The following CELSR1 variants were observed in gnomAD, a reference collection of about 807,000 sequenced individuals.
CELSR1 encodes the protein adhesion G protein-coupled receptor C1.
In CELSR1, 110 loss-of-function variants were observed where a neutral mutation model predicts 249.1. The observed-to-expected ratio is 0.44, with a 90% confidence interval of 0.38 to 0.52. The LOEUF (loss-of-function observed/expected upper bound fraction) is 0.52. CELSR1 is among the 20% of genes least tolerant of loss of function. The probability of loss-of-function intolerance (pLI) is 0.00; values close to 1 mark genes in which losing one functional copy is unlikely to be tolerated. For synonymous variants in CELSR1, 2,113 were observed against 1,900.0 expected (o/e 1.11, Z -2.92); for missense variants, 4,109 against 4,296.4 (o/e 0.96, Z 1.22).
chr22:46,476,448 T>C (rs1322083339), intron 1 of CELSR1, among the ~76,000 whole-genome samples: 3 of 151,752 alleles, frequency 2.0e-5, no homozygotes, highest in East Asian at 3.9e-4. Context: ...TATAAAAAAT[T>C]AGCCAGGCGT....
In CELSR1 at chr22:46,473,939, C is replaced by T. The variant is rs374871247; in HGVS notation, c.3545-9594G>A. 1.8e-4 allele frequency among the ~76,000 whole-genome samples: 28 copies of T among 152,258 alleles called. No individual in the cohort carries two copies. In the East Asian group the frequency reaches 3.3e-3, roughly 18 times the overall value. Reference sequence around the variant, plus strand: ...GCAACAATCTAGGACCTGCGTCTCACGAATGCAGGTTCACGTCACAGGAAC... The same window carrying T: ...GCAACAATCTAGGACCTGCGTCTCATGAATGCAGGTTCACGTCACAGGAAC... On this transcript the variant is annotated intron_variant, in intron 1 of 34. Transcript: ENST00000674500. The surrounding 1 kb of genome is among the most constrained non-coding windows in gnomAD (Gnocchi z 6.6).
rs1208091471 is a variant in CELSR1 at position 46,488,179 on chromosome 22, T to C, written c.3545-23834A>G. On this transcript the variant is annotated intron_variant, in intron 1 of 34. Transcript: ENST00000674500. This position sits in a 1 kb window ranked among gnomAD's most constrained non-coding sequence, Gnocchi z 4.7. ...CAGCTGGGTGACAGCAGGAAGCAGC[T>C]GTGGTCAGCAGCCACTCAGGGCTGG... Among the ~76,000 whole-genome samples the C allele has an allele frequency of 6.6e-6, 1 of 151,948 alleles. No individual in the cohort carries two copies. The highest frequency in any genetic ancestry group is 2.4e-5 in the African/African-American group (1 of 41,338).
rs760990799 is a variant in CELSR1, at chr22:46,409,783, G to A, written c.5031C>T (p.Leu1677=). The A allele has an allele frequency of 5.0e-6, 8 of 1,613,844 alleles. No individual in the cohort carries two copies. The highest frequency in any genetic ancestry group is 3.3e-5 in the South Asian group (3 of 91,086). Residue 1677 remains leucine (L), a synonymous_variant, in exon 8 of 35, where the codon CTC becomes CTT. Coordinates refer to ENST00000674500, the MANE Select transcript of CELSR1 (RefSeq NM_001378328.1). The surrounding 1 kb of genome is among the most constrained non-coding windows in gnomAD (Gnocchi z 9.8). ...RWNMYLCECP[L]RFGGKNCEQA... ...GCTCACAGTTCTTCCCGCCGAATCG[G>A]AGTGGACACTCACACAGATACATAT...
rs924449556 is a variant in CELSR1, at chr22:46,446,167, C to T, written c.4184-6756G>A. Among the ~76,000 whole-genome samples the T allele has an allele frequency of 2.0e-5, 3 of 152,224 alleles. No homozygotes were observed. Among genetic ancestry groups the T allele is most frequent in the African/African-American group, 7.2e-5 (3 of 41,446 alleles). On this transcript the variant is annotated intron_variant, in intron 2 of 34. Coordinates refer to ENST00000674500, the MANE Select transcript of CELSR1 (RefSeq NM_001378328.1). The surrounding 1 kb of genome is among the most constrained non-coding windows in gnomAD (Gnocchi z 5.5). The stretch of plus-strand genomic sequence containing the variant: ...CATACTCACGAGCCTGTGCCGGCCC[C>T]ACTGTCTCCCTCCTCCCAGGGCAGC...
intron 12 of CELSR1, among the ~76,000 whole-genome samples, chr22:46,397,088 C>T (rs917150342): frequency 3.9e-5 from 6 of 151,952 alleles, no homozygotes; most frequent in Non-Finnish European, 8.8e-5. Flanking sequence ...TCTTAATATG[C>T]ACTTTTCACT....
intron 5 of CELSR1, among the ~76,000 whole-genome samples, chr22:46,426,469 C>T (rs1173638546): frequency 6.6e-6 from 1 of 152,184 alleles, no homozygotes; most frequent in Non-Finnish European, 1.5e-5. Flanking sequence ...CTTCTTACCA[C>T]ATCCTCACAT....
rs1213557942 is a variant in CELSR1 at position 46,518,901 on chromosome 22, C to T, written c.3544+14726G>A. 4.6e-5 allele frequency among the ~76,000 whole-genome samples: 7 copies of T among 152,076 alleles called. No individual in the cohort carries two copies. Among genetic ancestry groups the T allele is most frequent in the Non-Finnish European group, 1.0e-4 (7 of 68,014 alleles). Reference sequence around the variant, plus strand: ...TACAAAAATTAGCTGGACGTGGTGGCGCATGCCTGTAATCCCAGCTACTCG... The same window carrying T: ...TACAAAAATTAGCTGGACGTGGTGGTGCATGCCTGTAATCCCAGCTACTCG... On this transcript the variant is annotated intron_variant, in intron 1 of 34. Transcript: ENST00000674500. This position sits in a 1 kb window ranked among gnomAD's most constrained non-coding sequence, Gnocchi z 5.2.
chr22:46,391,266 T>C lies in CELSR1; in HGVS notation c.6170A>G (p.Lys2057Arg). 1.2e-6 allele frequency: 2 copies of C among 1,613,518 alleles called. No individual in the cohort carries two copies. The highest frequency in any genetic ancestry group is 1.7e-6 in the Non-Finnish European group (2 of 1,179,940). ...CCACCAGATGCCGGCCTCAAATGCT[T>C]TGGGACAGCCATTGTAGATCACTGG... Reference protein sequence around the residue: ...GCEVIYNGCPKAFEAGIWWPQ... With the variant: ...GCEVIYNGCPRAFEAGIWWPQ... The change falls in exon 16 of 35, where the codon AAA becomes AGA. Residue 2057 changes from lysine (K) to arginine (R), a missense_variant. Physicochemically the swap from Lys to Arg is conservative, Grantham distance 26. Around this residue, in one of 7 missense-constraint regions of CELSR1, gnomAD observed 1,805 missense variants for 1,831.6 expected, o/e 0.99. Coordinates refer to ENST00000674500, the MANE Select transcript of CELSR1 (RefSeq NM_001378328.1). The surrounding 1 kb of genome is among the most constrained non-coding windows in gnomAD (Gnocchi z 4.3).
At chr22:46,491,142 A>G (rs1281827555) in intron 1 of CELSR1, among the ~76,000 whole-genome samples, 1 of 151,976 alleles carries the variant, frequency 6.6e-6, no homozygotes, top group Non-Finnish European at 1.5e-5. Context: ...ACCAGATGCC[A>G]GTAGCACCGC....
In CELSR1 at chr22:46,427,026, G is replaced by A. The variant is rs1359038461; in HGVS notation, c.4611+6367C>T. Among the ~76,000 whole-genome samples, 1 of 152,208 alleles carries A rather than the reference G, an allele frequency of 6.6e-6. No homozygotes were observed. Among genetic ancestry groups the A allele is most frequent in the Non-Finnish European group, 1.5e-5 (1 of 68,030 alleles). The stretch of plus-strand genomic sequence containing the variant: ...GCAGAGCAAACGCAGCAGTGCTCCA[G>A]TGAAGTTCATGGCTTCCAATAGGGA... On this transcript the variant is annotated intron_variant, in intron 5 of 34. Coordinates refer to ENST00000674500, the MANE Select transcript of CELSR1 (RefSeq NM_001378328.1). This position sits in a 1 kb window ranked among gnomAD's most constrained non-coding sequence, Gnocchi z 4.2.
rs201626647 is a variant in CELSR1 at position 46,434,961 on chromosome 22, C to CA, written c.4522+1212dup. ...GCAGTGAGCCAATATTGCACCACTG[C>CA]ACTCCAGCCTGGGTGAAAGAGTAAG... is the stretch of plus-strand genomic sequence containing the variant. On this transcript the variant is annotated intron_variant, in intron 4 of 34. Coordinates refer to ENST00000674500, the MANE Select transcript of CELSR1 (RefSeq NM_001378328.1). This position sits in a 1 kb window ranked among gnomAD's most constrained non-coding sequence, Gnocchi z 4.9. Among the ~76,000 whole-genome samples the CA allele has an allele frequency of 0.012, 1,846 of 152,074 alleles. 27 individuals are homozygous for CA. The highest frequency in any genetic ancestry group is 0.04 in the African/African-American group (1,678 of 41,478).
intron 2 of CELSR1, among the ~76,000 whole-genome samples, chr22:46,439,810 C>G (rs1018573553): frequency 6.6e-6 from 1 of 152,146 alleles, no homozygotes; most frequent in Non-Finnish European, 1.5e-5. Context: ...CCTCCCCACA[C>G]CTATGCCCGT....
Position 46,398,716 on chromosome 22 carries a change from T to G in CELSR1, c.5413-79A>C. ...CGTCTCTCAGATGGGAAGGATACACTGGAAGTCTAAACAGTCACTTCAACA... is the reference window on the plus strand; with the variant it reads ...CGTCTCTCAGATGGGAAGGATACACGGGAAGTCTAAACAGTCACTTCAACA... On this transcript the variant is annotated intron_variant, in intron 10 of 34. Transcript: ENST00000674500. The surrounding 1 kb of genome is among the most constrained non-coding windows in gnomAD (Gnocchi z 7.2). 8.7e-7 allele frequency: 1 copy of G among 1,153,818 alleles called. No individual in the cohort carries two copies. The highest frequency in any genetic ancestry group is 1.2e-6 in the Non-Finnish European group (1 of 802,518). The allele number at this position is 1,153,818 out of a possible 1,614,324, so 71.5% of individuals were successfully genotyped here.
Position 46,408,688 on chromosome 22 carries a change from G to C in CELSR1, c.5226+308C>G, listed in dbSNP as rs770947307. On this transcript the variant is annotated intron_variant, in intron 9 of 34. Transcript: ENST00000674500. The surrounding 1 kb of genome is among the most constrained non-coding windows in gnomAD (Gnocchi z 4.6). ...GCTCACTGTTTCCGCCTGAAGGCTC[G>C]GCACCTCCCTCAGTTCTGCAATGCC... is the stretch of plus-strand genomic sequence containing the variant. Among the ~76,000 whole-genome samples the C allele has an allele frequency of 6.6e-6, 1 of 152,146 alleles. No homozygotes were observed. Among genetic ancestry groups the C allele is most frequent in the Non-Finnish European group, 1.5e-5 (1 of 68,020 alleles).
intron 4 of CELSR1, among the ~76,000 whole-genome samples, chr22:46,435,859 C>A (rs1470272004): frequency 6.6e-6 from 1 of 152,158 alleles, no homozygotes; most frequent in Non-Finnish European, 1.5e-5. Flanking sequence ...CACCACCACG[C>A]CCAGCTAATT....
chr22:46,366,841 C>T (rs773266485), intron 29 of CELSR1, 152 bp downstream of exon 29: 87 of 1,123,458 alleles, frequency 7.7e-5, no homozygotes, highest in African/African-American at 1.3e-4. Context: ...GGTTCTGACG[C>T]GGCAGCCACA....
intron 1 of CELSR1, among the ~76,000 whole-genome samples, chr22:46,502,874 G>C (rs1434810049): frequency 1.3e-5 from 2 of 152,200 alleles, no homozygotes; most frequent in East Asian, 1.9e-4. Context: ...CTCCGTAAGA[G>C]GTGGTACAGC....
chr22:46,377,047 C>T lies in CELSR1; in HGVS notation c.7584+14G>A. ...GCGGCCCAGACAGTGGGGAGGGGAG[C>T]AGAGTGGCCATACCGGGTTTTCCGT... is the stretch of plus-strand genomic sequence containing the variant. On this transcript the variant is annotated intron_variant, in intron 24 of 34. Transcript: ENST00000674500. 1.2e-6 allele frequency: 2 copies of T among 1,611,460 alleles called. 1 individual carries two copies. Among genetic ancestry groups the T allele is most frequent in the South Asian group, 2.2e-5 (2 of 90,986 alleles).
intron 1 of CELSR1, chr22:46,481,372 G>T: frequency 1.1e-6 from 1 of 921,988 alleles, no homozygotes; most frequent in Non-Finnish European, 1.7e-6. Context: ...CTCGGTCATA[G>T]TTGGGAGCAG....
Sources: gnomAD v4.1 joint callset for allele counts (sites outside exome capture counted in the v4.1 genomes callset) on GRCh38, gnomAD v4.1.1 for gene constraint, gnomAD v4.1.1 regional missense constraint, Gnocchi (gnomAD v3.1) non-coding constraint, MANE v1.5 for transcripts, NCBI Gene and HGNC (gene_info 2026-07-23, HGNC 2026-07-21) for gene names.